The following ULK2 variants were observed in gnomAD, a reference collection of about 807,000 sequenced individuals.
ULK2 encodes the protein unc-51 like autophagy activating kinase 2, also known as serine/threonine-protein kinase ULK2.
Under a neutral mutation model 127.5 loss-of-function variants are expected in ULK2, and 76 were observed. That is an observed-to-expected ratio of 0.60 (90% confidence interval 0.50 to 0.72). ULK2 has a LOEUF of 0.72. ULK2 is among the 30% of genes least tolerant of loss of function. ULK2 has a pLI of 0.00. For synonymous variants in ULK2, 452 were observed against 461.9 expected, an observed-to-expected ratio of 0.98 and a Z score of 0.28; for missense variants, 1,144 against 1,295.9, an observed-to-expected ratio of 0.88 and a Z score of 1.80.
chr17:19,857,882 C>T (rs1005658760), intron 3 of ULK2, among the ~76,000 whole-genome samples: 2 of 152,080 alleles, frequency 1.3e-5, no homozygotes, highest in Admixed American at 6.6e-5. Flanking sequence ...GTTCCTCAAA[C>T]TCAGTGATCT....
intron 10 of ULK2, among the ~76,000 whole-genome samples, chr17:19,829,548 A>AG (rs57054467): frequency 0.13 from 3,487 of 26,060 alleles, 474 homozygotes; most frequent in South Asian, 0.39. Context: ...GAAAAAAAAA[A>AG]GGGGGGGGGC....
chr17:19,778,451 TG>T (rs1448707507), intron 25 of ULK2, among the ~76,000 whole-genome samples: 1 of 152,110 alleles, frequency 6.6e-6, no homozygotes, highest in Non-Finnish European at 1.5e-5. Flanking sequence ...AGGAAAAATG[TG>T]GGAAGGGGCT....
intron 18 of ULK2, among the ~76,000 whole-genome samples, chr17:19,797,050 T>C (rs1298483610): frequency 6.6e-6 from 1 of 152,190 alleles, no homozygotes; most frequent in Non-Finnish European, 1.5e-5. Flanking sequence ...TTCTAGCATT[T>C]TGGGAGACTG....
intron 7 of ULK2, 24 bp from the exon 8 acceptor site, chr17:19,843,246 G>GTCC: frequency 6.8e-7 from 1 of 1,468,834 alleles, no homozygotes. Context: ...AATTTAAGGG[G>GTCC]CATGCCGTAC....
At position 19,816,881 on chromosome 17, in the gene ULK2, A is replaced by AT; in HGVS notation, c.963dup (p.Ser322IlefsTer21). 1 of 1,609,892 alleles carries AT rather than the reference A, an allele frequency of 6.2e-7. No homozygotes were observed. Among genetic ancestry groups the AT allele is most frequent in the Non-Finnish European group, 8.5e-7 (1 of 1,178,848 alleles). On this transcript the variant is annotated frameshift_variant, in exon 13 of 27. Coordinates refer to ENST00000395544, the MANE Select transcript of ULK2 (RefSeq NM_014683.4). LOFTEE classifies it high-confidence loss of function. ...TTGGGAGGACCCAATGGTGGGGAAG[A>AT]TAAGTTTTCTTCCTGAATATGCTGC...
At chr17:19,791,988 G>A (rs1597720723) in intron 20 of ULK2, among the ~76,000 whole-genome samples, 1 of 151,956 alleles carries the variant, frequency 6.6e-6, no homozygotes, top group East Asian at 1.9e-4. Flanking sequence ...AATGACCAGT[G>A]GGTCAATGGA....
chr17:19,826,174 C>A lies in ULK2; in HGVS notation c.800G>T (p.Ser267Ile). The change falls in exon 11 of 27, where the codon AGC becomes ATC. Residue 267 changes from serine (S) to isoleucine (I), a missense_variant. Physicochemically the swap from Ser to Ile is moderately radical, Grantham distance 142 (BLOSUM62 -2). Around this residue, in one of 2 missense-constraint regions of ULK2, gnomAD observed 913 missense variants for 970.5 expected, o/e 0.94. Transcript: ENST00000395544. ...KDRMDFEAFF[S>I]HPFLEQGPVK... ...TGGACCTTGCTCAAGAAAAGGATGG[C>A]TAAAAAATGCTTCTGTAACAAGAAA... The A allele has an allele frequency of 6.8e-7, 1 of 1,472,846 alleles. No individual in the cohort carries two copies. Among genetic ancestry groups the A allele is most frequent in the Admixed American group, 2.1e-5 (1 of 48,216 alleles). 91.2% of individuals were successfully genotyped at this position (1,472,846 alleles called of 1,614,324 possible).
chr17:19,822,658 A>G (rs1005735774), intron 12 of ULK2, among the ~76,000 whole-genome samples: 22 of 149,876 alleles, frequency 1.5e-4, no homozygotes, highest in Admixed American at 1.3e-3. Flanking sequence ...ATGAACCACC[A>G]CACCCGGCCC....
At chr17:19,826,973 A>G (rs1252426372) in intron 10 of ULK2, among the ~76,000 whole-genome samples, 4 of 151,092 alleles carry the variant, frequency 2.6e-5, no homozygotes, top group African/African-American at 9.8e-5. Context: ...AAAAAAAAAG[A>G]AACTACAAAA....
At chr17:19,859,452 G>A (rs773880101) in intron 3 of ULK2, among the ~76,000 whole-genome samples, 2 of 152,214 alleles carry the variant, frequency 1.3e-5, no homozygotes, top group Non-Finnish European at 2.9e-5. Flanking sequence ...TCAGGAGGCA[G>A]AGGTTGCAGT....
At chr17:19,782,875 C>A (rs2086948757) in intron 22 of ULK2, among the ~76,000 whole-genome samples, 1 of 152,120 alleles carries the variant, frequency 6.6e-6, no homozygotes, top group African/African-American at 2.4e-5. Context: ...GAGATCGCAC[C>A]ACTGCATTCC....
chr17:19,864,794 A>G lies in ULK2; in HGVS notation c.225+9T>C. 8.0e-7 allele frequency: 1 copy of G among 1,257,050 alleles called. No homozygotes were observed. The highest frequency in any genetic ancestry group is 1.5e-5 in the African/African-American group (1 of 65,290). The allele number at this position is 1,257,050 out of a possible 1,614,324, so 77.9% of individuals were successfully genotyped here. On this transcript the variant is annotated intron_variant, in intron 3 of 26. Coordinates refer to ENST00000395544, the MANE Select transcript of ULK2 (RefSeq NM_014683.4). ...ATTTTAATTTTTAAAAATTTTCAAA[A>G]TAAGGTACCTGAACATCATAGAGTG...
chr17:19,801,437 T>G (rs993784419), intron 16 of ULK2, among the ~76,000 whole-genome samples: 2 of 152,076 alleles, frequency 1.3e-5, no homozygotes, highest in African/African-American at 2.4e-5. Context: ...AAAAATTAGC[T>G]GGGTGTGGTG....
chr17:19,786,461 C>A (rs895974682), intron 20 of ULK2, among the ~76,000 whole-genome samples: 1 of 152,092 alleles, frequency 6.6e-6, no homozygotes, highest in South Asian at 2.1e-4. Flanking sequence ...TGCCTGTAAT[C>A]CCAGCACTTT....
At chr17:19,797,090 T>TA (rs928991058) in intron 18 of ULK2, among the ~76,000 whole-genome samples, 3 of 152,078 alleles carry the variant, frequency 2.0e-5, no homozygotes, top group African/African-American at 4.8e-5. Context: ...GGCCAGGAGT[T>TA]AAAGACCAGC....
intron 3 of ULK2, 132 bp from the exon 4 acceptor site, chr17:19,849,906 G>C (rs986554777): frequency 3.5e-6 from 2 of 567,160 alleles, no homozygotes; most frequent in African/African-American, 3.9e-5. Flanking sequence ...CTATTAGAAA[G>C]TGAAATTAAA....
chr17:19,840,096 G>A, intron 9 of ULK2: 1 of 351,860 alleles, frequency 2.8e-6, no homozygotes, highest in Admixed American at 3.5e-5. Flanking sequence ...GCATACAGTG[G>A]CAGGTGCAGT....
At chr17:19,803,597 C>T (rs1021112950) in intron 15 of ULK2, among the ~76,000 whole-genome samples, 8 of 152,204 alleles carry the variant, frequency 5.3e-5, no homozygotes, top group African/African-American at 1.9e-4. Flanking sequence ...TACTGTTAAT[C>T]ACTTTACTTT....
At chr17:19,824,700 G>T (rs529207068) in intron 12 of ULK2, among the ~76,000 whole-genome samples, 3 of 152,176 alleles carry the variant, frequency 2.0e-5, no homozygotes, top group African/African-American at 7.2e-5. Flanking sequence ...TCCCTCAGTA[G>T]AAATTCCACA....
Sources: gnomAD v4.1 joint callset for allele counts (sites outside exome capture counted in the v4.1 genomes callset) on GRCh38, gnomAD v4.1.1 for gene constraint, gnomAD v4.1.1 regional missense constraint, MANE v1.5 for transcripts, NCBI Gene and HGNC (gene_info 2026-07-23, HGNC 2026-07-21) for gene names.